The following SCAND3 variants were observed in gnomAD, a reference collection of about 807,000 sequenced individuals.
SCAND3 encodes SCAN domain-containing protein 3.
chr6:28,607,144 C>A, the SCAND3 span, among the ~76,000 whole-genome samples: 1 of 152,262 alleles, frequency 6.6e-6, no homozygotes, highest in Non-Finnish European at 1.5e-5. Flanking sequence ...GCAAAGCAAC[C>A]TGTCTGTGGT....
the SCAND3 span, chr6:28,571,990 G>A: frequency 6.2e-7 from 1 of 1,613,792 alleles, no homozygotes; most frequent in Non-Finnish European, 8.5e-7. Context: ...TACCCTCAGG[G>A]GATAATGTAT....
chr6:28,614,973 T>C, the SCAND3 span, among the ~76,000 whole-genome samples: 10 of 152,352 alleles, frequency 6.6e-5, no homozygotes, highest in South Asian at 2.1e-3. Flanking sequence ...ACTTTTGTCA[T>C]ATACTGGAAA....
chr6:28,601,267 A>G, the SCAND3 span, among the ~76,000 whole-genome samples: 3 of 152,172 alleles, frequency 2.0e-5, no homozygotes, highest in Non-Finnish European at 1.5e-5. Context: ...TTTAAACATC[A>G]AATTACATAA....
the SCAND3 span, among the ~76,000 whole-genome samples, chr6:28,600,852 T>C: frequency 1.3e-5 from 2 of 151,950 alleles, no homozygotes; most frequent in East Asian, 3.9e-4. Flanking sequence ...TTGTTCGTTC[T>C]TTTTGTTTTC....
the SCAND3 span, among the ~76,000 whole-genome samples, chr6:28,579,973 G>A: frequency 2.6e-5 from 4 of 152,168 alleles, no homozygotes; most frequent in African/African-American, 4.8e-5. This position sits in a 1 kb window ranked among gnomAD's most constrained non-coding sequence, Gnocchi z 4.5. Context: ...ACGCTACATC[G>A]AGTTGGAAAA....
the SCAND3 span, chr6:28,571,765 T>A: frequency 1.4e-5 from 13 of 917,762 alleles, no homozygotes; most frequent in African/African-American, 1.7e-5. Flanking sequence ...GCAATTTATA[T>A]AGAAAATTGC....
chr6:28,605,556 G>A, the SCAND3 span, among the ~76,000 whole-genome samples: 56 of 152,088 alleles, frequency 3.7e-4, no homozygotes, highest in Non-Finnish European at 6.6e-4. Context: ...AAATGAGGCC[G>A]GGAGCAGTGG....
At chr6:28,605,558 G>A in the SCAND3 span, among the ~76,000 whole-genome samples, 3 of 152,080 alleles carry the variant, frequency 2.0e-5, no homozygotes, top group African/African-American at 7.2e-5. Flanking sequence ...ATGAGGCCGG[G>A]AGCAGTGGCT....
chr6:28,613,950 C>T, the SCAND3 span, among the ~76,000 whole-genome samples: 1 of 151,892 alleles, frequency 6.6e-6, no homozygotes, highest in Admixed American at 6.6e-5. Flanking sequence ...TTTAACAATT[C>T]CACTTTCTTT....
chr6:28,571,917 T>A, the SCAND3 span: 1 of 1,612,376 alleles, frequency 6.2e-7, no homozygotes, highest in South Asian at 1.1e-5. Flanking sequence ...GCTTTTAATG[T>A]GATAAGTGAG....
At chr6:28,582,465 G>A in the SCAND3 span, among the ~76,000 whole-genome samples, 2 of 152,080 alleles carry the variant, frequency 1.3e-5, no homozygotes, top group Non-Finnish European at 2.9e-5. This position sits in a 1 kb window ranked among gnomAD's most constrained non-coding sequence, Gnocchi z 4.8. Context: ...GTGAGAAACT[G>A]CTTATATAGG....
the SCAND3 span, among the ~76,000 whole-genome samples, chr6:28,609,337 A>G: frequency 1.3e-5 from 2 of 152,136 alleles, no homozygotes; most frequent in African/African-American, 4.8e-5. Context: ...ATACACTCAT[A>G]CACACACACA....
At chr6:28,572,698 C>T in the SCAND3 span, 211 of 1,614,008 alleles carry the variant, frequency 1.3e-4, no homozygotes, top group African/African-American at 2.1e-3. The surrounding 1 kb of genome is among the most constrained non-coding windows in gnomAD (Gnocchi z 4.1). Flanking sequence ...AACTTTTCCC[C>T]GTGATAACCA....
chr6:28,601,501 T>A, the SCAND3 span, among the ~76,000 whole-genome samples: 8 of 152,132 alleles, frequency 5.3e-5, no homozygotes, highest in Non-Finnish European at 1.2e-4. Flanking sequence ...TCAATGATAT[T>A]CAAAATTACT....
At chr6:28,589,535 C>A in the SCAND3 span, 9,000 of 152,074 alleles carry the variant, frequency 0.059, 618 homozygotes, top group African/African-American at 0.16. Context: ...GAATTCTCGT[C>A]GAAAACAACT....
chr6:28,595,581 G>C, the SCAND3 span, among the ~76,000 whole-genome samples: 1 of 151,896 alleles, frequency 6.6e-6, no homozygotes, highest in Non-Finnish European at 1.5e-5. Context: ...AATTAGCTGG[G>C]CTTGGTGGCA....
chr6:28,605,146 A>G, the SCAND3 span, among the ~76,000 whole-genome samples: 2 of 152,288 alleles, frequency 1.3e-5, no homozygotes, highest in Non-Finnish European at 2.9e-5. Context: ...TGTTGGTCCA[A>G]GTTGGCTTCC....
the SCAND3 span, chr6:28,571,854 C>T: frequency 1.3e-6 from 2 of 1,569,858 alleles, no homozygotes; most frequent in South Asian, 2.4e-5. Flanking sequence ...ATTCCTCACA[C>T]TCAATGCTTA....
At chr6:28,600,066 C>T in the SCAND3 span, among the ~76,000 whole-genome samples, 35 of 151,872 alleles carry the variant, frequency 2.3e-4, no homozygotes, top group Non-Finnish European at 3.7e-4. Flanking sequence ...ATCTAGGTAG[C>T]GTTGGCTTTG....
Sources: allele counts gnomAD v4.1 joint callset (sites outside exome capture counted in the v4.1 genomes callset), GRCh38; gene constraint gnomAD v4.1.1; non-coding constraint Gnocchi (gnomAD v3.1); transcripts MANE v1.5; gene names NCBI Gene and HGNC (gene_info 2026-07-23, HGNC 2026-07-21).